TNIK: variants seen among roughly 807,000 people sequenced by gnomAD.
TNIK encodes the protein TRAF2 and NCK-interacting protein kinase.
A neutral mutation model predicts 191.3 loss-of-function variants in TNIK; 49 were observed. The observed-to-expected ratio is 0.26, with a 90% CI of 0.20 to 0.32. The LOEUF is 0.32. Among genes scored for constraint, TNIK ranks in the 10% least tolerant of loss-of-function variants. The probability of loss-of-function intolerance (pLI) is 1.00; values close to 1 mark genes in which losing one functional copy is unlikely to be tolerated. For synonymous variants in TNIK, 594 were observed against 600.9 expected (o/e 0.99, Z 0.17); for missense variants, 1,155 against 1,702.3 (o/e 0.68, Z 5.66).
chr3:171,131,724 A>C (rs115419280), intron 15 of TNIK, among the ~76,000 whole-genome samples: 3,417 of 152,342 alleles, frequency 0.022, 51 homozygotes, highest in Non-Finnish European at 0.035. Flanking sequence ...GTCTTTAGGA[A>C]GATAATGCCG....
At chr3:171,101,805 A>G (rs1723618628) in intron 21 of TNIK, 172 bp from the exon 22 acceptor site, 6 of 636,088 alleles carry the variant, frequency 9.4e-6, no homozygotes, top group Non-Finnish European at 1.6e-5. Context: ...AGCGTGTAGA[A>G]GCTAGAAAAG....
intron 1 of TNIK, among the ~76,000 whole-genome samples, chr3:171,383,744 C>T (rs1026993055): frequency 3.3e-5 from 5 of 152,190 alleles, no homozygotes; most frequent in African/African-American, 7.2e-5. Flanking sequence ...TAAAGGTCAT[C>T]TTGGGGTAAT....
At chr3:171,149,695 CAT>C (rs1461757770) in intron 12 of TNIK, among the ~76,000 whole-genome samples, 10 of 152,190 alleles carry the variant, frequency 6.6e-5, no homozygotes, top group African/African-American at 2.4e-4. Flanking sequence ...ATCCAAAGCT[CAT>C]GGGCACGCTT....
chr3:171,244,300 C>A (rs563736578), intron 2 of TNIK, among the ~76,000 whole-genome samples: 38 of 151,970 alleles, frequency 2.5e-4, no homozygotes, highest in Non-Finnish European at 4.9e-4. Flanking sequence ...CTTCTGACCT[C>A]GTGATCCACC....
chr3:171,291,443 A>C (rs1026297412), intron 2 of TNIK, among the ~76,000 whole-genome samples: 6 of 152,060 alleles, frequency 3.9e-5, no homozygotes, highest in Admixed American at 3.9e-4. Flanking sequence ...GAGTTTTCTT[A>C]TATTTCTTTT....
intron 2 of TNIK, among the ~76,000 whole-genome samples, chr3:171,316,689 G>A (rs1248596090): frequency 2.0e-5 from 3 of 152,032 alleles, no homozygotes; most frequent in African/African-American, 4.8e-5. Context: ...TTGTGGAGAA[G>A]GGAAATGATT....
At chr3:171,385,004 G>A (rs1405838184) in intron 1 of TNIK, among the ~76,000 whole-genome samples, 1 of 152,146 alleles carries the variant, frequency 6.6e-6, no homozygotes, top group Admixed American at 6.6e-5. Context: ...ACAAAGAAAT[G>A]ATTAAGTCGG....
At chr3:171,111,147 C>T (rs1208618556) in intron 18 of TNIK, among the ~76,000 whole-genome samples, 1 of 152,160 alleles carries the variant, frequency 6.6e-6, no homozygotes, top group Admixed American at 6.5e-5. Flanking sequence ...ATGAGCCAGG[C>T]ACAGTGGCTG....
intron 1 of TNIK, among the ~76,000 whole-genome samples, chr3:171,409,317 A>C (rs961139565): frequency 2.0e-5 from 3 of 152,174 alleles, no homozygotes; most frequent in African/African-American, 7.2e-5. Context: ...CTTGCCTAAC[A>C]ATCTTCAACA....
At chr3:171,211,792 C>T (rs1740865314) in intron 3 of TNIK, among the ~76,000 whole-genome samples, 1 of 152,146 alleles carries the variant, frequency 6.6e-6, no homozygotes, top group South Asian at 2.1e-4. Context: ...GGAGTACCCA[C>T]CTCACCTTCA....
In TNIK at chr3:171,211,368, C is replaced by T. The variant is rs1298717726; in HGVS notation, c.181-127G>A. On this transcript the variant is annotated intron_variant, in intron 3 of 32. Coordinates refer to ENST00000436636, the MANE Select transcript of TNIK (RefSeq NM_015028.4). Reference sequence around the variant, plus strand: ...TGTTGACAAATGAGCATAATTATTACATATGAGGGCAAAGAACAATTCTAA... The same window carrying T: ...TGTTGACAAATGAGCATAATTATTATATATGAGGGCAAAGAACAATTCTAA... 6 of 1,081,344 alleles carry T rather than the reference C, an allele frequency of 5.5e-6. No homozygotes were observed. In the African/African-American group the frequency reaches 7.9e-5, roughly 14 times the overall value. 67.0% of individuals were successfully genotyped at this position (1,081,344 alleles called of 1,614,324 possible).
intron 1 of TNIK, among the ~76,000 whole-genome samples, chr3:171,397,665 T>C (rs1252474285): frequency 6.6e-6 from 1 of 152,182 alleles, no homozygotes; most frequent in African/African-American, 2.4e-5. Flanking sequence ...ATTTGAAATA[T>C]AGAGATATCA....
chr3:171,351,163 T>C (rs1335185625), intron 2 of TNIK, among the ~76,000 whole-genome samples: 1 of 151,918 alleles, frequency 6.6e-6, no homozygotes, highest in African/African-American at 2.4e-5. Context: ...AGCGCTAGGA[T>C]TACAGGCCTG....
chr3:171,211,375 G>A (rs1740798750), intron 3 of TNIK, 134 bp from the exon 4 acceptor site: 1 of 1,044,114 alleles, frequency 9.6e-7, no homozygotes, highest in Non-Finnish European at 1.4e-6. Flanking sequence ...TTACATATGA[G>A]GGCAAAGAAC....
intron 1 of TNIK, among the ~76,000 whole-genome samples, chr3:171,434,852 C>T (rs546831662): frequency 5.3e-5 from 8 of 152,096 alleles, no homozygotes; most frequent in Non-Finnish European, 1.0e-4. Context: ...TGGTTATTAT[C>T]TGATTCCTGA....
In TNIK at chr3:171,123,679, T is replaced by G. The variant is rs1335285671; in HGVS notation, c.2037A>C (p.Ile679=). The part of the protein sequence containing the change: ...PPKVPQRTTS[I]SPALARKNSP... ...AATTCTTTCTGGCTAATGCTGGGGA[T>G]ATAGAAGTTGTTCTTTGAGGCACCT... The change falls in exon 18 of 33, where the codon ATA becomes ATC. Residue 679 remains isoleucine (I), a synonymous_variant. Coordinates refer to ENST00000436636, the MANE Select transcript of TNIK (RefSeq NM_015028.4). 1.3e-6 allele frequency: 2 copies of G among 1,573,502 alleles called. No individual in the cohort carries two copies. The highest frequency in any genetic ancestry group is 1.7e-6 in the Non-Finnish European group (2 of 1,157,216).
Position 171,066,631 on chromosome 3 carries a change from A to G in TNIK, c.3804T>C (p.Tyr1268=). 1.2e-6 allele frequency: 2 copies of G among 1,613,908 alleles called. No individual in the cohort carries two copies. The highest frequency in any genetic ancestry group is 1.7e-6 in the Non-Finnish European group (2 of 1,179,880). ...YEDEGVYVNT[Y]GRITKDVVLQ... ...GCACCACATCCTTAGTTATCCGGCC[A>G]TAGGTGTTTACATACACCCCCTCAT... Residue 1268 remains tyrosine, a synonymous_variant, in exon 31 of 33, where the codon TAT becomes TAC. Coordinates refer to ENST00000436636, the MANE Select transcript of TNIK (RefSeq NM_015028.4).
chr3:171,399,548 C>T (rs2108570627), intron 1 of TNIK, among the ~76,000 whole-genome samples: 1 of 152,232 alleles, frequency 6.6e-6, no homozygotes, highest in African/African-American at 2.4e-5. Context: ...TGTTAAACAA[C>T]AGAGACCTAG....
chr3:171,135,642 G>A (rs565105582), intron 15 of TNIK, among the ~76,000 whole-genome samples: 9 of 152,290 alleles, frequency 5.9e-5, no homozygotes, highest in South Asian at 4.1e-4. Context: ...GTGGAAATGC[G>A]TGAAGCCCAA....
Sources: allele counts gnomAD v4.1 joint callset (sites outside exome capture counted in the v4.1 genomes callset), GRCh38; gene constraint gnomAD v4.1.1; transcripts MANE v1.5; gene names NCBI Gene and HGNC (gene_info 2026-07-23, HGNC 2026-07-21).